Variants in TCEAL4 observed in about 807,000 individuals in gnomAD.
The protein encoded by TCEAL4 is transcription elongation factor A protein-like 4.
Under a neutral mutation model 1.3 loss-of-function variants are expected in TCEAL4, and 1 was observed. The ratio of observed to expected loss-of-function variants is 0.79; its 90% CI spans 0.28 to 3.76. The LOEUF (loss-of-function observed/expected upper bound fraction) is 3.76, where lower values mean the gene tolerates loss of function less well. Ranked by LOEUF, TCEAL4 falls within the 30% of genes most tolerant of loss-of-function variation. The pLI, the probability that TCEAL4 is intolerant of heterozygous loss-of-function variation, is 0.18. For synonymous variants in TCEAL4, 54 were observed against 50.7 expected, an observed-to-expected ratio of 1.06 and a Z score of -0.28; for missense variants, 129 against 154.7, an observed-to-expected ratio of 0.83 and a Z score of 0.88.
upstream of TCEAL4, among the ~76,000 whole-genome samples, chrX:103,580,639 C>T (rs141863843): frequency 4.7e-3 from 518 of 111,083 alleles, 12 homozygotes; most frequent in East Asian, 0.064. Flanking sequence ...GTAATTTTTG[C>T]GGAAACAGGG....
chrX:103,585,886 A>G, intron 1 of TCEAL4: 5 of 1,055,444 alleles, frequency 4.7e-6, no homozygotes, highest in Non-Finnish European at 6.2e-6. Flanking sequence ...CCCTCCGTCC[A>G]TTTTGGAGCC....
intron 2 of TCEAL4, among the ~76,000 whole-genome samples, chrX:103,580,105 G>A (rs1466261377): frequency 8.9e-6 from 1 of 112,213 alleles, no homozygotes; most frequent in Non-Finnish European, 1.9e-5. Context: ...TGCTGCTAAC[G>A]TAAGTGGCAT....
chrX:103,576,465 T>C, exon 1 of TCEAL4: 1 of 1,166,294 alleles, frequency 8.6e-7, no homozygotes. Flanking sequence ...GATGCTGAGG[T>C]CAAGATGCCA....
chrX:103,582,984 AAAGGTCT>A (rs2073515060), upstream of TCEAL4, among the ~76,000 whole-genome samples: 1 of 111,933 alleles, frequency 8.9e-6, no homozygotes, highest in Admixed American at 9.5e-5. Context: ...TCCATCTGAC[AAAGGTCT>A]AATATCCAGT....
chrX:103,579,625 C>T (rs2073498826), intron 2 of TCEAL4, among the ~76,000 whole-genome samples: 2 of 111,962 alleles, frequency 1.8e-5, no homozygotes, highest in Admixed American at 1.9e-4. Flanking sequence ...ATCATATATT[C>T]AGCCACATTG....
intron 2 of TCEAL4, 47 bp downstream of exon 2, chrX:103,586,338 A>C: frequency 8.7e-7 from 1 of 1,154,696 alleles, no homozygotes; most frequent in East Asian, 3.3e-5. Flanking sequence ...ACAAGGGTTG[A>C]GAGTGTGGAG....
chrX:103,581,643 A>G (rs964719880), upstream of TCEAL4, among the ~76,000 whole-genome samples: 1 of 111,972 alleles, frequency 8.9e-6, no homozygotes, highest in Non-Finnish European at 1.9e-5. Flanking sequence ...GACAAAAACC[A>G]CATGATTATC....
Position 103,585,517 on chromosome X carries a change from A to G in TCEAL4, c.-208A>G. Reference sequence around the variant, plus strand: ...GGGCTGCGGCATTCACGTGATCTGCACGGGCGCAGATGTAGGCACCGGTCC... The same window carrying G: ...GGGCTGCGGCATTCACGTGATCTGCGCGGGCGCAGATGTAGGCACCGGTCC... On this transcript the variant is annotated 5_prime_UTR_variant, in exon 1 of 3. Coordinates refer to ENST00000472484, the MANE Select transcript of TCEAL4 (RefSeq NM_001006935.3). 1 of 1,142,593 alleles carries G rather than the reference A, an allele frequency of 8.8e-7. No individual in the cohort carries two copies. Among genetic ancestry groups the G allele is most frequent in the Non-Finnish European group, 1.2e-6 (1 of 857,728 alleles). 94.2% of individuals were successfully genotyped at this position (1,142,593 alleles called of 1,213,427 possible).
chrX:103,576,401 T>C lies in TCEAL4; in HGVS notation c.-69T>C, dbSNP rs111359515. On this transcript the variant is annotated 5_prime_UTR_variant, in exon 1 of 5. Transcript: ENST00000372629. ...CATAACAAATTACTCCAAAATTTAA[T>C]CATTTATATTCAAGAAGAGTTCAGC... is the stretch of plus-strand genomic sequence containing the variant. 4.4e-3 allele frequency: 5,084 copies of C among 1,154,707 alleles called. 126 individuals are homozygous for C. The African/African-American group carries it at 0.066, about 15-fold the overall frequency.
intron 1 of TCEAL4, 106 bp downstream of exon 1, chrX:103,585,730 G>C: frequency 8.6e-7 from 1 of 1,160,686 alleles, no homozygotes. Context: ...CGAGTCGAGG[G>C]AAGCTGGCCC....
chrX:103,583,453 G>T (rs908161388), upstream of TCEAL4, among the ~76,000 whole-genome samples: 17 of 112,128 alleles, frequency 1.5e-4, no homozygotes, highest in Non-Finnish European at 2.8e-4. Flanking sequence ...CAAAGATATG[G>T]AATCAACTGA....
chrX:103,582,577 T>C (rs147563034), upstream of TCEAL4, among the ~76,000 whole-genome samples: 123 of 111,188 alleles, frequency 1.1e-3, 1 homozygote, highest in African/African-American at 3.9e-3. Flanking sequence ...TAACAGAACA[T>C]AATAGAGAAC....
At chrX:103,580,202 GTTAATA>G (rs1051585993) in intron 2 of TCEAL4, among the ~76,000 whole-genome samples, 1 of 112,067 alleles carries the variant, frequency 8.9e-6, no homozygotes, top group African/African-American at 3.2e-5. Flanking sequence ...TTGATGAACA[GTTAATA>G]AAGAATTATT....
At chrX:103,577,455 A>G (rs2073489202) in intron 2 of TCEAL4, among the ~76,000 whole-genome samples, 3 of 112,062 alleles carry the variant, frequency 2.7e-5, no homozygotes, top group Admixed American at 1.9e-4. Context: ...CAGTATATAC[A>G]GTACAATTTC....
intron 2 of TCEAL4, chrX:103,577,268 T>C (rs1329652434): frequency 1.8e-6 from 2 of 1,111,251 alleles, no homozygotes; most frequent in African/African-American, 1.8e-5. Context: ...ATGTTGTTAA[T>C]AGTAAAAGTA....
chrX:103,577,157 C>T (rs867477410), exon 2 of TCEAL4: 4 of 1,167,054 alleles, frequency 3.4e-6, no homozygotes, highest in Non-Finnish European at 4.6e-6. Context: ...ATGGAAAGGT[C>T]ACATATCATA....
At chrX:103,582,637 A>G (rs2073513261), upstream of TCEAL4, among the ~76,000 whole-genome samples, 1 of 112,146 alleles carries the variant, frequency 8.9e-6, no homozygotes, top group Admixed American at 9.4e-5. Context: ...AATAAATCTG[A>G]CAAAAACTAG....
rs773569149 is a variant in TCEAL4 at position 103,587,361 on chromosome X, C to T, written c.*38C>T. 4 of 1,142,299 alleles carry T rather than the reference C, an allele frequency of 3.5e-6. No individual in the cohort carries two copies. Among genetic ancestry groups the T allele is most frequent in the Non-Finnish European group, 3.5e-6 (3 of 863,458 alleles). 94.1% of individuals were successfully genotyped at this position (1,142,299 alleles called of 1,213,427 possible). ...GCATTTACCAGGCCATGTGCTTTAA[C>T]GTTACGGTAATACTTTACTTTAGGC... On this transcript the variant is annotated 3_prime_UTR_variant, in exon 3 of 3. Coordinates refer to ENST00000472484, the MANE Select transcript of TCEAL4 (RefSeq NM_001006935.3).
At chrX:103,580,973 AATAG>A (rs1239889113), upstream of TCEAL4, among the ~76,000 whole-genome samples, 10 of 111,695 alleles carry the variant, frequency 9.0e-5, no homozygotes, top group South Asian at 3.7e-4. Flanking sequence ...GAAAAAATAA[AATAG>A]ATAGACTGCT....
Sources: allele counts gnomAD v4.1 joint callset (sites outside exome capture counted in the v4.1 genomes callset), GRCh38; gene constraint gnomAD v4.1.1; transcripts MANE v1.5; gene names NCBI Gene and HGNC (gene_info 2026-07-23, HGNC 2026-07-21).